TTC31: variants seen among roughly 807,000 people sequenced by gnomAD.
TTC31 encodes the protein tetratricopeptide repeat domain 31.
A neutral mutation model predicts 60.4 loss-of-function variants in TTC31; 59 were observed. That is an observed-to-expected ratio of 0.98 (90% confidence interval 0.79 to 1.21). The LOEUF is 1.21. Ranked by LOEUF, TTC31 falls within the 50% of genes most tolerant of loss-of-function variation. The pLI, the probability that TTC31 is intolerant of heterozygous loss-of-function variation, is 0.00. For missense variants in TTC31, 672 were observed against 646.9 expected, an observed-to-expected ratio of 1.04 and a Z score of -0.42; for synonymous variants, 225 against 249.6, an observed-to-expected ratio of 0.90 and a Z score of 0.93.
chr2:74,492,175 A>G lies in TTC31; in HGVS notation c.965A>G (p.His322Arg), dbSNP rs1433246857. 6.2e-7 allele frequency: 1 copy of G among 1,614,110 alleles called. No homozygotes were observed. Among genetic ancestry groups the G allele is most frequent in the Non-Finnish European group, 8.5e-7 (1 of 1,180,036 alleles). The change falls in exon 10 of 13, where the codon CAT becomes CGT. Residue 322 changes from histidine to arginine, a missense_variant. By Grantham distance (29) the His-to-Arg change is conservative. Transcript: ENST00000233623. ...GTSFAQNGFY[H>R]EAVVLFTQAL... is the part of the protein sequence containing the mutation. ...AGCTTTGCTCAAAATGGTTTCTACC[A>G]TGAGGCCGTGGTCCTCTTCACCCAG...
At position 74,483,088 on chromosome 2, in the gene TTC31, T is replaced by C. The variant is rs559038903; in HGVS notation, c.-8T>C. 4.3e-6 allele frequency: 7 copies of C among 1,614,210 alleles called. No homozygotes were observed. The highest frequency in any genetic ancestry group is 3.3e-5 in the South Asian group (3 of 91,086). On this transcript the variant is annotated 5_prime_UTR_variant, in exon 1 of 13. Coordinates refer to ENST00000233623, the MANE Select transcript of TTC31 (RefSeq NM_022492.6). Reference sequence around the variant, plus strand: ...ACTACCTTTCATTTCCGGGTCACTGTAGATGCGATGGCGCCGATTCCAAAG... The same window carrying C: ...ACTACCTTTCATTTCCGGGTCACTGCAGATGCGATGGCGCCGATTCCAAAG...
chr2:74,491,024 A>G, intron 5 of TTC31, 104 bp from the exon 6 acceptor site: 1 of 1,465,266 alleles, frequency 6.8e-7, no homozygotes, highest in Non-Finnish European at 9.5e-7. Flanking sequence ...GATAATAATG[A>G]TGCCTGTCTC....
intron 8 of TTC31, 82 bp from the exon 9 acceptor site, chr2:74,491,922 A>T: frequency 6.2e-7 from 1 of 1,602,464 alleles, no homozygotes; most frequent in African/African-American, 1.3e-5. Flanking sequence ...TGCTAATTGC[A>T]GTGTTACCTG....
intron 2 of TTC31, among the ~76,000 whole-genome samples, chr2:74,484,080 AC>A (rs1329244603): frequency 3.3e-5 from 5 of 151,902 alleles, no homozygotes; most frequent in African/African-American, 1.2e-4. Flanking sequence ...TACCAAAAAT[AC>A]GAAAAACTAG....
At position 74,490,707 on chromosome 2, in the gene TTC31, C is replaced by A; in HGVS notation, c.514C>A (p.Gln172Lys). Residue 172 changes from glutamine (Q) to lysine (K), a missense_variant, in exon 5 of 13, where the codon CAG becomes AAG. Physicochemically the swap from Gln to Lys is moderately conservative, Grantham distance 53. Transcript: ENST00000233623. ...GGTGGCTGAGGAGGAGCGCATGAAA[C>A]AGAAAGCAGAGAAAAAGCGACTCAA... is the stretch of plus-strand genomic sequence containing the variant. ...ELVAEEERMK[Q>K]KAEKKRLKKK... 1 of 1,610,594 alleles carries A rather than the reference C, an allele frequency of 6.2e-7. No homozygotes were observed. The highest frequency in any genetic ancestry group is 8.5e-7 in the Non-Finnish European group (1 of 1,178,118).
In TTC31 at chr2:74,483,086, T is replaced by C; in HGVS notation, c.-10T>C. The C allele has an allele frequency of 6.2e-7, 1 of 1,614,190 alleles. No individual in the cohort carries two copies. Among genetic ancestry groups the C allele is most frequent in the Non-Finnish European group, 8.5e-7 (1 of 1,180,042 alleles). ...AGACTACCTTTCATTTCCGGGTCACTGTAGATGCGATGGCGCCGATTCCAA... is the reference window on the plus strand; with the variant it reads ...AGACTACCTTTCATTTCCGGGTCACCGTAGATGCGATGGCGCCGATTCCAA... On this transcript the variant is annotated 5_prime_UTR_variant, in exon 1 of 13. Coordinates refer to ENST00000233623, the MANE Select transcript of TTC31 (RefSeq NM_022492.6).
At position 74,491,022 on chromosome 2, in the gene TTC31, T is replaced by C. The variant is rs537277344; in HGVS notation, c.547-106T>C. 6.2e-5 allele frequency: 90 copies of C among 1,458,160 alleles called. No homozygotes were observed. The South Asian group carries it at 9.4e-4, about 15-fold the overall frequency. The allele number at this position is 1,458,160 out of a possible 1,614,324, so 90.3% of individuals were successfully genotyped here. ...TTCACCTGCAAAATGAGGATAATAA[T>C]GATGCCTGTCTCATAGAGCTGCAAA... is the stretch of plus-strand genomic sequence containing the variant. On this transcript the variant is annotated intron_variant, in intron 5 of 12. Transcript: ENST00000233623.
chr2:74,489,643 G>A (rs1024330947), intron 2 of TTC31, among the ~76,000 whole-genome samples: 5 of 152,166 alleles, frequency 3.3e-5, no homozygotes, highest in African/African-American at 1.2e-4. Flanking sequence ...GCCTCAGGGT[G>A]GGTTATGTGG....
chr2:74,489,032 G>A (rs1380541278), intron 2 of TTC31, among the ~76,000 whole-genome samples: 1 of 152,178 alleles, frequency 6.6e-6, no homozygotes, highest in Non-Finnish European at 1.5e-5. Flanking sequence ...CTCCAGCCTG[G>A]GTGACAGAGC....
At chr2:74,487,438 G>C (rs759492258) in intron 2 of TTC31, among the ~76,000 whole-genome samples, 2 of 151,792 alleles carry the variant, frequency 1.3e-5, no homozygotes, top group Non-Finnish European at 2.9e-5. Context: ...GGCTGGTCTC[G>C]AACTCCTGAC....
chr2:74,491,066 A>T, intron 5 of TTC31, 62 bp from the exon 6 acceptor site: 1 of 1,600,100 alleles, frequency 6.2e-7, no homozygotes, highest in East Asian at 2.2e-5. Flanking sequence ...GCGAAATCTT[A>T]GCCCAGCACA....
rs766839843 is a variant in TTC31, at chr2:74,491,188, A to C, written c.603+4A>C. The stretch of plus-strand genomic sequence containing the variant: ...GCAGTACTGTGGGGAGCCCAAGGTG[A>C]GTATCTAGGGCAGGTACTAAGAGCA... On this transcript the variant is annotated splice_donor_region_variant and intron_variant, in intron 6 of 12. Transcript: ENST00000233623. 6.8e-6 allele frequency: 11 copies of C among 1,614,016 alleles called. No individual in the cohort carries two copies. The highest frequency in any genetic ancestry group is 8.5e-6 in the Non-Finnish European group (10 of 1,179,998).
intron 8 of TTC31, 63 bp downstream of exon 8, chr2:74,491,735 G>T (rs1673915674): frequency 6.4e-7 from 1 of 1,568,266 alleles, no homozygotes; most frequent in East Asian, 2.3e-5. Flanking sequence ...AGCTGCTGGG[G>T]AGGCACAGGG....
chr2:74,483,092 T>C lies in TTC31; in HGVS notation c.-4T>C. The C allele has an allele frequency of 1.9e-6, 3 of 1,614,226 alleles. No individual in the cohort carries two copies. Among genetic ancestry groups the C allele is most frequent in the Non-Finnish European group, 8.5e-7 (1 of 1,180,042 alleles). On this transcript the variant is annotated 5_prime_UTR_variant, in exon 1 of 13. It removes an upstream start codon present in the reference 5' UTR. Transcript: ENST00000233623. ...CCTTTCATTTCCGGGTCACTGTAGA[T>C]GCGATGGCGCCGATTCCAAAGACTG...
At chr2:74,488,063 C>T (rs1389927020) in intron 2 of TTC31, among the ~76,000 whole-genome samples, 1 of 152,226 alleles carries the variant, frequency 6.6e-6, no homozygotes, top group Non-Finnish European at 1.5e-5. Flanking sequence ...CAGCCTTGAA[C>T]TCCTGGGCTC....
At chr2:74,490,203 C>T (rs765351305) in intron 3 of TTC31, 41 bp from the exon 4 acceptor site, 3 of 1,611,614 alleles carry the variant, frequency 1.9e-6, no homozygotes, top group African/African-American at 1.3e-5. Flanking sequence ...GCACCCCGCT[C>T]TCATGTCCTT....
intron 2 of TTC31, 102 bp from the exon 3 acceptor site, chr2:74,489,923 G>A (rs1163117023): frequency 1.2e-6 from 1 of 815,096 alleles, no homozygotes; most frequent in Non-Finnish European, 2.0e-6. Context: ...TGGATAGCTG[G>A]TTGGTGGCTG....
chr2:74,492,515 T>C, intron 11 of TTC31, 70 bp downstream of exon 11: 8 of 1,533,314 alleles, frequency 5.2e-6, no homozygotes, highest in Non-Finnish European at 7.0e-6. Context: ...CTATGTTGAC[T>C]TTCTAGATAA....
intron 2 of TTC31, among the ~76,000 whole-genome samples, chr2:74,489,619 T>G (rs983763959): frequency 6.6e-5 from 10 of 152,102 alleles, no homozygotes; most frequent in African/African-American, 2.4e-4. Context: ...CTGTACTTGT[T>G]TAGGTGTGAG....
Sources: allele counts gnomAD v4.1 joint callset (sites outside exome capture counted in the v4.1 genomes callset), GRCh38; gene constraint gnomAD v4.1.1; transcripts MANE v1.5; gene names NCBI Gene and HGNC (gene_info 2026-07-23, HGNC 2026-07-21).